Variants in SLC16A12 observed in about 807,000 individuals in gnomAD.
The protein encoded by SLC16A12 is monocarboxylate transporter 12.
A neutral mutation model predicts 42.4 loss-of-function variants in SLC16A12; 17 were observed. That is an observed-to-expected ratio of 0.40 (90% confidence interval 0.27 to 0.60). The LOEUF (loss-of-function observed/expected upper bound fraction) is 0.60, where lower values mean the gene tolerates loss of function less well. SLC16A12 is among the 20% of genes least tolerant of loss of function. The pLI is 0.42. For missense variants in SLC16A12, 544 were observed against 623.0 expected (o/e 0.87, Z 1.35); for synonymous variants, 224 against 229.4 (o/e 0.98, Z 0.21).
chr10:89,456,065 T>C (rs992998438), intron 3 of SLC16A12: 1 of 152,226 alleles, frequency 6.6e-6, no homozygotes, highest in East Asian at 1.9e-4. Flanking sequence ...CTGTCTCCTA[T>C]ACAGTGAGTG....
At chr10:89,515,433 G>A (rs1843235125) in intron 2 of SLC16A12, among the ~76,000 whole-genome samples, 2 of 152,182 alleles carry the variant, frequency 1.3e-5, no homozygotes, top group Non-Finnish European at 2.9e-5. Flanking sequence ...GGATATTGAA[G>A]TCAGTGTCGG....
At chr10:89,535,925 A>C (rs1346749877), upstream of SLC16A12, among the ~76,000 whole-genome samples, 1 of 152,194 alleles carries the variant, frequency 6.6e-6, no homozygotes, top group Non-Finnish European at 1.5e-5. Context: ...TTCGAAATGC[A>C]CCGGCTCATT....
chr10:89,468,725 G>A (rs764116274), intron 2 of SLC16A12, among the ~76,000 whole-genome samples: 2 of 152,194 alleles, frequency 1.3e-5, no homozygotes, highest in Non-Finnish European at 2.9e-5. Context: ...CTTGTTTCCT[G>A]GAGACTTTGA....
intron 2 of SLC16A12, among the ~76,000 whole-genome samples, chr10:89,494,926 G>C (rs1345643279): frequency 1.3e-5 from 2 of 152,198 alleles, no homozygotes; most frequent in Non-Finnish European, 2.9e-5. Context: ...ACTGTTCTTG[G>C]AGATAGCAGA....
chr10:89,442,867 G>T lies in SLC16A12; in HGVS notation c.304+889C>A, dbSNP rs559693217. Among the ~76,000 whole-genome samples, 3 of 152,258 alleles carry T rather than the reference G, an allele frequency of 2.0e-5. No homozygotes were observed. In the East Asian group the frequency reaches 5.8e-4, roughly 29 times the overall value. ...GGTTATTATGAGTTACTGAATACAG[G>T]TATTATTTCCCTTTTGCCACTAAGA... On this transcript the variant is annotated intron_variant, in intron 4 of 7. Transcript: ENST00000371790.
At chr10:89,498,550 T>C (rs1220943266) in intron 2 of SLC16A12, among the ~76,000 whole-genome samples, 2 of 152,192 alleles carry the variant, frequency 1.3e-5, no homozygotes, top group African/African-American at 2.4e-5. Flanking sequence ...TATTATATTT[T>C]AAAATGTTAA....
chr10:89,464,721 C>T (rs1842363880), intron 2 of SLC16A12, among the ~76,000 whole-genome samples: 1 of 152,078 alleles, frequency 6.6e-6, no homozygotes, highest in African/African-American at 2.4e-5. Flanking sequence ...TCTTTGAAGC[C>T]ACTGGAACAA....
chr10:89,514,695 G>A (rs1179941394), intron 2 of SLC16A12, among the ~76,000 whole-genome samples: 1 of 152,198 alleles, frequency 6.6e-6, no homozygotes, highest in Non-Finnish European at 1.5e-5. Context: ...CATTGGGGGT[G>A]ACAATGTTTC....
chr10:89,485,351 G>T (rs1842728683), intron 2 of SLC16A12, among the ~76,000 whole-genome samples: 1 of 152,206 alleles, frequency 6.6e-6, no homozygotes, highest in Non-Finnish European at 1.5e-5. Context: ...AAGAAACTAT[G>T]TGGCTTCAAC....
At chr10:89,504,926 T>G (rs757609380) in intron 2 of SLC16A12, among the ~76,000 whole-genome samples, 2 of 152,100 alleles carry the variant, frequency 1.3e-5, no homozygotes, top group Non-Finnish European at 2.9e-5. Context: ...GTACAGAGTG[T>G]GCCAGGGAGC....
At chr10:89,509,952 CAGAG>C (rs1021116746) in intron 2 of SLC16A12, among the ~76,000 whole-genome samples, 3 of 152,140 alleles carry the variant, frequency 2.0e-5, no homozygotes, top group African/African-American at 7.2e-5. Flanking sequence ...CGATAACAGA[CAGAG>C]AGCCAATTCG....
At position 89,487,857 on chromosome 10, in the gene SLC16A12, C is replaced by T. The variant is rs528481384; in HGVS notation, c.-46-25233G>A. Among the ~76,000 whole-genome samples the T allele has an allele frequency of 8.8e-5, 12 of 137,086 alleles. No homozygotes were observed. In the South Asian group the frequency reaches 9.8e-4, roughly 11 times the overall value. 89.9% of individuals were successfully genotyped at this position (137,086 alleles called of 152,430 possible). On this transcript the variant is annotated intron_variant, in intron 2 of 7. Coordinates refer to ENST00000371790, the MANE Select transcript of SLC16A12 (RefSeq NM_213606.4). Reference sequence around the variant, plus strand: ...AAGTGTTATTTCTCTGTCAAAAAGACACCTGCACTTGTATGTTTGTTACAG... The same window carrying T: ...AAGTGTTATTTCTCTGTCAAAAAGATACCTGCACTTGTATGTTTGTTACAG...
In SLC16A12 at chr10:89,433,340, C is replaced by A. The variant is rs372847666; in HGVS notation, c.1289-14G>T. 9 of 1,612,976 alleles carry A rather than the reference C, an allele frequency of 5.6e-6. No homozygotes were observed. The highest frequency in any genetic ancestry group is 7.6e-6 in the Non-Finnish European group (9 of 1,179,926). On this transcript the variant is annotated splice_polypyrimidine_tract_variant and intron_variant, in intron 7 of 7. Coordinates refer to ENST00000371790, the MANE Select transcript of SLC16A12 (RefSeq NM_213606.4). ...CTACCAGCCGTCCTGTAACAAACAACAGCAAAATTTTATTTTTGAGTTGAA... is the reference window on the plus strand; with the variant it reads ...CTACCAGCCGTCCTGTAACAAACAAAAGCAAAATTTTATTTTTGAGTTGAA...
At chr10:89,515,367 T>A (rs1843233950) in intron 2 of SLC16A12, among the ~76,000 whole-genome samples, 1 of 152,212 alleles carries the variant, frequency 6.6e-6, no homozygotes, top group Non-Finnish European at 1.5e-5. Context: ...CAGGAATCCA[T>A]GCCACAGACA....
At chr10:89,476,707 A>C (rs1327031321) in intron 2 of SLC16A12, among the ~76,000 whole-genome samples, 1 of 152,268 alleles carries the variant, frequency 6.6e-6, no homozygotes, top group Non-Finnish European at 1.5e-5. Context: ...CAGCCTTCCC[A>C]GCACTGGGGT....
intron 2 of SLC16A12, among the ~76,000 whole-genome samples, chr10:89,553,374 T>A (rs994607262): frequency 2.0e-5 from 3 of 152,160 alleles, no homozygotes; most frequent in African/African-American, 7.2e-5. Context: ...TTTTGCACAT[T>A]AGGTACTACA....
chr10:89,537,625 C>T (rs1223485991), upstream of SLC16A12, among the ~76,000 whole-genome samples: 4 of 152,230 alleles, frequency 2.6e-5, no homozygotes, highest in East Asian at 1.9e-4. Flanking sequence ...ACCTCTCAGC[C>T]GTGAAGGTCT....
Position 89,432,919 on chromosome 10 carries a change from A to G in SLC16A12, c.*145T>C, listed in dbSNP as rs1169459752. 2.6e-6 allele frequency: 3 copies of G among 1,157,798 alleles called. No homozygotes were observed. The highest frequency in any genetic ancestry group is 3.6e-6 in the Non-Finnish European group (3 of 843,176). The allele number at this position is 1,157,798 out of a possible 1,614,324, so 71.7% of individuals were successfully genotyped here. A position where few individuals can be genotyped will look rare whatever the true frequency, so the allele number is the denominator to read the frequency against. On this transcript the variant is annotated 3_prime_UTR_variant, in exon 8 of 8. Coordinates refer to ENST00000371790, the MANE Select transcript of SLC16A12 (RefSeq NM_213606.4). The stretch of plus-strand genomic sequence containing the variant: ...TCCTTATTATGTGCTGTTTTCCCTT[A>G]TAAATATTAATATGTTAACAAAACA...
At chr10:89,482,971 A>G (rs1468129503) in intron 2 of SLC16A12, among the ~76,000 whole-genome samples, 1 of 152,206 alleles carries the variant, frequency 6.6e-6, no homozygotes. Flanking sequence ...TCCAGCTGCT[A>G]TAACAAAATA....
Sources: gnomAD v4.1 joint callset for allele counts (sites outside exome capture counted in the v4.1 genomes callset) on GRCh38, gnomAD v4.1.1 for gene constraint, MANE v1.5 for transcripts, NCBI Gene and HGNC (gene_info 2026-07-23, HGNC 2026-07-21) for gene names.